The following PLEKHN1 variants were observed in gnomAD, a reference collection of about 807,000 sequenced individuals.
The protein encoded by PLEKHN1 is pleckstrin homology domain-containing family N member 1.
In PLEKHN1, 68 loss-of-function variants were observed where a neutral mutation model predicts 72.8. That is an observed-to-expected ratio of 0.93 (90% CI 0.77 to 1.14). The LOEUF (loss-of-function observed/expected upper bound fraction) is 1.14, where lower values mean the gene tolerates loss of function less well. PLEKHN1 is among the 50% of genes most tolerant of loss of function. The probability of loss-of-function intolerance (pLI) is 0.00; values close to 1 mark genes in which losing one functional copy is unlikely to be tolerated. For synonymous variants in PLEKHN1, 454 were observed against 371.6 expected (o/e 1.22, Z -2.55); for missense variants, 1,015 against 840.5 (o/e 1.21, Z -2.57).
chr1:971,125 C>A lies in PLEKHN1; in HGVS notation c.625C>A (p.Arg209=). 1 of 1,599,088 alleles carries A rather than the reference C, an allele frequency of 6.3e-7. No homozygotes were observed. The highest frequency in any genetic ancestry group is 1.1e-5 in the South Asian group (1 of 88,742). ...HSAPPQRRLT[R]LRTASGHEPG... ...CTGGACTTTGCAGCGCCGTCTAACC[C>A]GGCTGCGGACGGCGTCAGGGCACGA... The change falls in exon 7 of 16, where the codon CGG becomes AGG. Residue 209 remains arginine, a synonymous_variant. Coordinates refer to ENST00000379410, the MANE Select transcript of PLEKHN1 (RefSeq NM_032129.3).
chr1:974,160 G>T, intron 14 of PLEKHN1, 109 bp downstream of exon 14: 1 of 1,489,594 alleles, frequency 6.7e-7, no homozygotes, highest in South Asian at 1.2e-5. Flanking sequence ...AGGAGGACGG[G>T]GGCAGATGGA....
At chr1:969,359 ATG>A (rs750966298) in intron 2 of PLEKHN1, among the ~76,000 whole-genome samples, 19 of 132,546 alleles carry the variant, frequency 1.4e-4, no homozygotes, top group Middle Eastern at 3.8e-3. Flanking sequence ...GTATGTGTGC[ATG>A]TGTTTGCACG....
chr1:972,232 T>C, intron 9 of PLEKHN1, 56 bp from the exon 10 acceptor site: 1 of 1,598,586 alleles, frequency 6.3e-7, no homozygotes, highest in Non-Finnish European at 8.5e-7. Context: ...GACTCTTTAG[T>C]GGGGGCGCTG....
rs1643539023 is a variant in PLEKHN1 at position 975,008 on chromosome 1, AG to A, written c.*436del. The A allele has an allele frequency of 5.8e-6, 1 of 171,974 alleles. No individual in the cohort carries two copies. The highest frequency in any genetic ancestry group is 1.4e-4 in the South Asian group (1 of 6,940). 10.7% of individuals were successfully genotyped at this position (171,974 alleles called of 1,614,324 possible). On this transcript the variant is annotated 3_prime_UTR_variant, in exon 16 of 16. Transcript: ENST00000379410. Reference sequence around the variant, plus strand: ...CAGCAAGGTGTGAGGAGCACAAGCCAGGGTGCCCCGAGGAGGAGGGTGGGTG... The same window carrying A: ...CAGCAAGGTGTGAGGAGCACAAGCCAGGTGCCCCGAGGAGGAGGGTGGGTG...
At chr1:972,030 G>T (rs369499704) in intron 8 of PLEKHN1, 45 bp from the exon 9 acceptor site, 2 of 1,579,792 alleles carry the variant, frequency 1.3e-6, no homozygotes, top group Non-Finnish European at 1.7e-6. Flanking sequence ...GCGGGGCCCC[G>T]GGGCTGCCCC....
intron 2 of PLEKHN1, among the ~76,000 whole-genome samples, chr1:967,941 G>A (rs6669800): frequency 0.89 from 135,546 of 152,268 alleles, 60,448 homozygotes; most frequent in African/African-American, 0.94. Flanking sequence ...GCTGAACCTC[G>A]GGAAATGGGG....
rs1308147827 is a variant in PLEKHN1 at position 973,342 on chromosome 1, C to G, written c.1293+16C>G. 1.6e-5 allele frequency: 25 copies of G among 1,551,064 alleles called. No homozygotes were observed. Among genetic ancestry groups the G allele is most frequent in the Non-Finnish European group, 2.1e-5 (24 of 1,145,170 alleles). ...CCTGACCCAGGTGGGCCCAGCACACCCACACAGCCCCTGGCCTGGTTCCCA... is the reference window on the plus strand; with the variant it reads ...CCTGACCCAGGTGGGCCCAGCACACGCACACAGCCCCTGGCCTGGTTCCCA... On this transcript the variant is annotated intron_variant, in intron 12 of 15. Coordinates refer to ENST00000379410, the MANE Select transcript of PLEKHN1 (RefSeq NM_032129.3).
In PLEKHN1 at chr1:970,815, G is replaced by A. The variant is rs1014606391; in HGVS notation, c.484+57G>A. 1.2e-6 allele frequency: 2 copies of A among 1,612,600 alleles called. No homozygotes were observed. The highest frequency in any genetic ancestry group is 1.3e-5 in the African/African-American group (1 of 74,914). On this transcript the variant is annotated intron_variant, in intron 5 of 15. Coordinates refer to ENST00000379410, the MANE Select transcript of PLEKHN1 (RefSeq NM_032129.3). This position sits in a 1 kb window ranked among gnomAD's most constrained non-coding sequence, Gnocchi z 4.2. Reference sequence around the variant, plus strand: ...CACTCCTGACCCAGGACTTGGAGAGGGGCCTGCCCTGTGGCTGCGGAGCAC... The same window carrying A: ...CACTCCTGACCCAGGACTTGGAGAGAGGCCTGCCCTGTGGCTGCGGAGCAC...
chr1:974,222 A>G, intron 14 of PLEKHN1, 94 bp from the exon 15 acceptor site: 1 of 1,572,234 alleles, frequency 6.4e-7, no homozygotes, highest in Non-Finnish European at 8.7e-7. Context: ...GAGGGAGAGC[A>G]GGGGGACATG....
intron 13 of PLEKHN1, 67 bp from the exon 14 acceptor site, chr1:973,766 G>C: frequency 6.4e-7 from 1 of 1,572,998 alleles, no homozygotes; most frequent in Non-Finnish European, 8.6e-7. Flanking sequence ...TTCAGGCTCT[G>C]ATGGGAGGTT....
chr1:969,031 A>G (rs1249201359), intron 2 of PLEKHN1, among the ~76,000 whole-genome samples: 1 of 152,182 alleles, frequency 6.6e-6, no homozygotes, highest in Admixed American at 6.5e-5. Flanking sequence ...AACGGTGAGG[A>G]CACTGACACC....
Position 970,702 on chromosome 1 carries a change from C to G in PLEKHN1, c.428C>G (p.Thr143Arg), listed in dbSNP as rs373726748. Residue 143 changes from threonine (T) to arginine (R), a missense_variant, in exon 5 of 16, where the codon ACG becomes AGG. Physicochemically the swap from Thr to Arg is moderately conservative, Grantham distance 71. Transcript: ENST00000379410. The surrounding 1 kb of genome is among the most constrained non-coding windows in gnomAD (Gnocchi z 4.2). ...GLTFQGLLPL[T>R]ELSVCPLEGS... The stretch of plus-strand genomic sequence containing the variant: ...GCCTGGCAGGGGCTGTTACCGCTGA[C>G]GGAGCTGAGTGTCTGCCCGCTCGAG... The G allele has an allele frequency of 9.4e-6, 15 of 1,596,656 alleles. No individual in the cohort carries two copies. In the African/African-American group the frequency reaches 1.6e-4, roughly 17 times the overall value.
chr1:970,695 C>CCGCTGA lies in PLEKHN1; in HGVS notation c.424_429dup (p.Leu142_Thr143dup), dbSNP rs756117625. On this transcript the variant is annotated inframe_insertion, in exon 5 of 16. Transcript: ENST00000379410. This position sits in a 1 kb window ranked among gnomAD's most constrained non-coding sequence, Gnocchi z 4.2. ...ACCCTGTGCCTGGCAGGGGCTGTTACCGCTGACGGAGCTGAGTGTCTGCCC... is the reference window on the plus strand; with the variant it reads ...ACCCTGTGCCTGGCAGGGGCTGTTACCGCTGACGCTGACGGAGCTGAGTGTCTGCCC... 2 of 1,596,088 alleles carry CCGCTGA rather than the reference C, an allele frequency of 1.3e-6. No homozygotes were observed. The highest frequency in any genetic ancestry group is 1.1e-5 in the South Asian group (1 of 88,422).
chr1:974,276 G>A, intron 14 of PLEKHN1, 40 bp from the exon 15 acceptor site: 3 of 1,612,826 alleles, frequency 1.9e-6, no homozygotes, highest in Non-Finnish European at 2.5e-6. Context: ...CCCTGCCTGG[G>A]GCTGTGCCCG....
At position 972,277 on chromosome 1, in the gene PLEKHN1, C is replaced by T. The variant is rs1643375529; in HGVS notation, c.866-11C>T. 6.2e-7 allele frequency: 1 copy of T among 1,609,578 alleles called. No individual in the cohort carries two copies. Among genetic ancestry groups the T allele is most frequent in the African/African-American group, 1.3e-5 (1 of 74,894 alleles). On this transcript the variant is annotated splice_polypyrimidine_tract_variant and intron_variant, in intron 9 of 15. Transcript: ENST00000379410. ...CCCCCCCGCCAGCCCCTCACAGCAT[C>T]TGTATGCCAGGCCCCCTCATCAACA...
chr1:970,171 G>C lies in PLEKHN1; in HGVS notation c.184-106G>C. On this transcript the variant is annotated intron_variant, in intron 2 of 15. Transcript: ENST00000379410. The surrounding 1 kb of genome is among the most constrained non-coding windows in gnomAD (Gnocchi z 4.2). ...CTGTTCTTCACATATGTGTTGTGTG[G>C]CTATGCACAGGCAGACCATGCTATA... The C allele has an allele frequency of 1.6e-6, 2 of 1,261,402 alleles. No homozygotes were observed. Among genetic ancestry groups the C allele is most frequent in the South Asian group, 2.8e-5 (2 of 72,590 alleles). The allele number at this position is 1,261,402 out of a possible 1,614,324, so 78.1% of individuals were successfully genotyped here.
chr1:972,961 C>A lies in PLEKHN1; in HGVS notation c.1103C>A (p.Pro368His). ...PPSTRTSHSL[P>H]ESSVPSTVGC... ...TCCACCCGCACCAGCCACTCCCTGCCTGAGTCCTCAGTGCCATCCACCGTG... is the reference window on the plus strand; with the variant it reads ...TCCACCCGCACCAGCCACTCCCTGCATGAGTCCTCAGTGCCATCCACCGTG... The change falls in exon 11 of 16, where the codon CCT (proline) becomes CAT (histidine). Residue 368 changes from proline (P) to histidine (H), a missense_variant. Pro to His is a moderately conservative substitution (Grantham distance 77). Transcript: ENST00000379410. The A allele has an allele frequency of 6.3e-7, 1 of 1,585,142 alleles. No individual in the cohort carries two copies. Among genetic ancestry groups the A allele is most frequent in the Non-Finnish European group, 8.6e-7 (1 of 1,165,192 alleles).
chr1:974,077 T>TGCCCCGG, intron 14 of PLEKHN1, 26 bp downstream of exon 14: 1 of 1,550,094 alleles, frequency 6.5e-7, no homozygotes, highest in Non-Finnish European at 8.7e-7. Flanking sequence ...CACGCCCGTG[T>TGCCCCGG]GCCCCGGGCT....
intron 7 of PLEKHN1, 50 bp downstream of exon 7, chr1:971,258 G>A (rs775628518): frequency 5.1e-6 from 8 of 1,556,598 alleles, no homozygotes; most frequent in Non-Finnish European, 7.0e-6. Context: ...GGTGCATGGT[G>A]GTGGGCAGGG....
Sources: gnomAD v4.1 joint callset for allele counts (sites outside exome capture counted in the v4.1 genomes callset) on GRCh38, gnomAD v4.1.1 for gene constraint, Gnocchi (gnomAD v3.1) non-coding constraint, MANE v1.5 for transcripts, NCBI Gene and HGNC (gene_info 2026-07-23, HGNC 2026-07-21) for gene names.